PCDH15: variants seen among roughly 807,000 people sequenced by gnomAD.
PCDH15 encodes the protein protocadherin-15.
Under a neutral mutation model 178.5 loss-of-function variants are expected in PCDH15, and 129 were observed. That is an observed-to-expected ratio of 0.72 (90% CI 0.63 to 0.84). The LOEUF is 0.84. PCDH15 is among the 40% of genes least tolerant of loss of function. The probability of loss-of-function intolerance (pLI) is 0.00; values close to 1 mark genes in which losing one functional copy is unlikely to be tolerated. For synonymous variants in PCDH15, 800 were observed against 732.0 expected, an observed-to-expected ratio of 1.09 and a Z score of -1.50; for missense variants, 2,230 against 2,099.9, an observed-to-expected ratio of 1.06 and a Z score of -1.21.
intron 25 of PCDH15, among the ~76,000 whole-genome samples, chr10:53,912,832 G>A (rs529074988): frequency 4.2e-4 from 64 of 152,280 alleles, no homozygotes; most frequent in African/African-American, 1.4e-3. Flanking sequence ...CTCATGGATA[G>A]GAAGAATCAA....
intron 18 of PCDH15, among the ~76,000 whole-genome samples, chr10:54,031,553 G>GA (rs150262537): frequency 0.3 from 38,672 of 129,106 alleles, 5,174 homozygotes; most frequent in Non-Finnish European, 0.38. Flanking sequence ...GGTAGAGAAG[G>GA]AAAAAAAAAA....
At chr10:54,536,997 C>CT (rs747880795) in intron 2 of PCDH15, among the ~76,000 whole-genome samples, 2,959 of 92,034 alleles carry the variant, frequency 0.032, 230 homozygotes, top group African/African-American at 0.097. Context: ...AATTTGTTTC[C>CT]TTTTTTTTTT....
chr10:54,578,208 G>C (rs1475791095), intron 2 of PCDH15, among the ~76,000 whole-genome samples: 1 of 151,920 alleles, frequency 6.6e-6, no homozygotes, highest in African/African-American at 2.4e-5. Flanking sequence ...AAAAAATCCT[G>C]CAGGAAGTTT....
At chr10:54,615,305 A>G (rs1199273248) in intron 2 of PCDH15, among the ~76,000 whole-genome samples, 2 of 152,052 alleles carry the variant, frequency 1.3e-5, no homozygotes, top group Non-Finnish European at 2.9e-5. Context: ...ACCAGATACA[A>G]TGTTTTGTAT....
chr10:54,048,374 T>G (rs1246553386), intron 18 of PCDH15, among the ~76,000 whole-genome samples: 1 of 152,200 alleles, frequency 6.6e-6, no homozygotes, highest in Admixed American at 6.5e-5. Context: ...GTTGATATTT[T>G]ATTTTGCTTT....
intron 1 of PCDH15, among the ~76,000 whole-genome samples, chr10:54,793,450 A>C (rs1309307089): frequency 6.6e-6 from 1 of 151,654 alleles, no homozygotes; most frequent in Non-Finnish European, 1.5e-5. Flanking sequence ...ATTTTTGAAG[A>C]CTTAGAAAAA....
At chr10:54,133,719 A>T (rs2042642464) in intron 14 of PCDH15, among the ~76,000 whole-genome samples, 1 of 152,154 alleles carries the variant, frequency 6.6e-6, no homozygotes. Flanking sequence ...TGAACTTTGA[A>T]TTTGTTTTAT....
chr10:54,932,198 A>C (rs943289642), intron 2 of PCDH15, among the ~76,000 whole-genome samples: 5 of 152,226 alleles, frequency 3.3e-5, no homozygotes, highest in Non-Finnish European at 4.4e-5. Flanking sequence ...AGAAAAAGGC[A>C]TTCTTATCAG....
At chr10:54,835,399 TC>T (rs1953298810) in intron 3 of PCDH15, among the ~76,000 whole-genome samples, 1 of 152,090 alleles carries the variant, frequency 6.6e-6, no homozygotes, top group African/African-American at 2.4e-5. Context: ...TTTCTCTCTC[TC>T]CTTCTCCATC....
At chr10:55,573,538 G>T (rs1166188556) in intron 2 of PCDH15, among the ~76,000 whole-genome samples, 1 of 151,998 alleles carries the variant, frequency 6.6e-6, no homozygotes, top group Non-Finnish European at 1.5e-5. Context: ...CAACAACACA[G>T]ATTCCATCAA....
chr10:54,066,198 T>C (rs2135804354), intron 18 of PCDH15, among the ~76,000 whole-genome samples: 1 of 152,318 alleles, frequency 6.6e-6, no homozygotes, highest in African/African-American at 2.4e-5. Flanking sequence ...AAGTACTGTC[T>C]CTGTTTTAAC....
intron 1 of PCDH15, among the ~76,000 whole-genome samples, chr10:55,173,793 T>G (rs77952464): frequency 0.015 from 2,253 of 152,202 alleles, 45 homozygotes; most frequent in African/African-American, 0.051. Flanking sequence ...TTTGCGTTTT[T>G]TCTTCCCTTA....
chr10:55,251,668 G>A (rs747518854), intron 1 of PCDH15, among the ~76,000 whole-genome samples: 3 of 152,128 alleles, frequency 2.0e-5, no homozygotes, highest in Non-Finnish European at 2.9e-5. Flanking sequence ...TGTGAACATA[G>A]TTTAAATTCT....
At chr10:53,984,122 C>CTTTTTTTTTTTTTT (rs57184119) in intron 21 of PCDH15, among the ~76,000 whole-genome samples, 2 of 112,690 alleles carry the variant, frequency 1.8e-5, no homozygotes, top group African/African-American at 7.1e-5. Flanking sequence ...AAGTGCTTTT[C>CTTTTTTTTTTTTTT]TTTTTTTTTT....
At chr10:54,191,909 A>C (rs2049035856) in intron 11 of PCDH15, among the ~76,000 whole-genome samples, 2 of 150,742 alleles carry the variant, frequency 1.3e-5, no homozygotes, top group Non-Finnish European at 3.0e-5. Context: ...TGACAGAGAG[A>C]AACTCTCTCA....
At chr10:55,436,286 A>G (rs568756566) in intron 2 of PCDH15, among the ~76,000 whole-genome samples, 24 of 152,142 alleles carry the variant, frequency 1.6e-4, no homozygotes, top group Non-Finnish European at 3.1e-4. Flanking sequence ...ATTAGAAAAG[A>G]TAAATACAAG....
chr10:54,585,891 G>C (rs2091428807), intron 2 of PCDH15, among the ~76,000 whole-genome samples: 1 of 152,068 alleles, frequency 6.6e-6, no homozygotes, highest in Admixed American at 6.6e-5. Flanking sequence ...TTGAAAAATA[G>C]CCACTTCATC....
chr10:54,685,961 T>A (rs2094991836), intron 1 of PCDH15, among the ~76,000 whole-genome samples: 2 of 152,074 alleles, frequency 1.3e-5, no homozygotes, highest in Admixed American at 1.3e-4. Context: ...TGTGTGTGTG[T>A]TTATGTATTT....
intron 2 of PCDH15, among the ~76,000 whole-genome samples, chr10:54,920,520 C>T (rs1837460928): frequency 6.9e-6 from 1 of 144,714 alleles, no homozygotes; most frequent in South Asian, 2.2e-4. Flanking sequence ...ATATATTAGG[C>T]GATCAGGACA....
Sources: gnomAD v4.1 joint callset for allele counts (sites outside exome capture counted in the v4.1 genomes callset) on GRCh38, gnomAD v4.1.1 for gene constraint, MANE v1.5 for transcripts, NCBI Gene and HGNC (gene_info 2026-07-23, HGNC 2026-07-21) for gene names.